DNAAF9: variants seen among roughly 807,000 people sequenced by gnomAD.
The protein encoded by DNAAF9 is dynein axonemal assembly factor 9, also known as shulin.
DNAAF9 carries 90 observed loss-of-function variants against 167.0 expected under a neutral mutation model. The ratio of observed to expected loss-of-function variants is 0.54; its 90% CI spans 0.45 to 0.64. The LOEUF (loss-of-function observed/expected upper bound fraction) is 0.64. Among genes scored for constraint, DNAAF9 ranks in the 30% least tolerant of loss-of-function variants. The probability of loss-of-function intolerance (pLI) is 0.00; values close to 1 mark genes in which losing one functional copy is unlikely to be tolerated. For synonymous variants in DNAAF9, 491 were observed against 508.8 expected, an observed-to-expected ratio of 0.96 and a Z score of 0.47; for missense variants, 1,315 against 1,442.2, an observed-to-expected ratio of 0.91 and a Z score of 1.43.
Position 3,322,270 on chromosome 20 carries a change from G to C in DNAAF9, c.1311-8C>G, listed in dbSNP as rs1416604896. On this transcript the variant is annotated splice_polypyrimidine_tract_variant and splice_region_variant and intron_variant, in intron 15 of 36. Transcript: ENST00000252032. The stretch of plus-strand genomic sequence containing the variant: ...CTGTCCAGCGGTACAATTCTAGGAG[G>C]GGAAAGAGATGGAAGACTATGTTAA... The C allele has an allele frequency of 6.2e-7, 1 of 1,601,164 alleles. No individual in the cohort carries two copies. The highest frequency in any genetic ancestry group is 1.1e-5 in the South Asian group (1 of 90,254).
chr20:3,362,027 C>G, intron 6 of DNAAF9: 2 of 1,488,494 alleles, frequency 1.3e-6, no homozygotes, highest in Non-Finnish European at 1.9e-6. Context: ...TTGGGTCCAC[C>G]ACTCCATTAG....
At chr20:3,262,751 CT>C (rs1388627406) in intron 31 of DNAAF9, among the ~76,000 whole-genome samples, 1 of 152,120 alleles carries the variant, frequency 6.6e-6, no homozygotes, top group Admixed American at 6.6e-5. Flanking sequence ...GCTGTAGCCA[CT>C]GGAAAGAAGG....
At chr20:3,276,805 G>A (rs1212225027) in intron 29 of DNAAF9, among the ~76,000 whole-genome samples, 2 of 152,190 alleles carry the variant, frequency 1.3e-5, no homozygotes, top group South Asian at 2.1e-4. Flanking sequence ...CAGGCCTGAG[G>A]CTGGACAGGT....
intron 1 of DNAAF9, among the ~76,000 whole-genome samples, chr20:3,401,484 G>A (rs1336046381): frequency 6.6e-6 from 1 of 152,170 alleles, no homozygotes; most frequent in Non-Finnish European, 1.5e-5. Flanking sequence ...ACAGGCATAA[G>A]CCACAGCACC....
chr20:3,324,498 A>C (rs1660220441), intron 14 of DNAAF9, among the ~76,000 whole-genome samples: 1 of 152,050 alleles, frequency 6.6e-6, no homozygotes, highest in African/African-American at 2.4e-5. Context: ...CTGTCATTCA[A>C]GAGACAGATG....
chr20:3,262,449 C>T (rs2068408927), intron 31 of DNAAF9, among the ~76,000 whole-genome samples: 1 of 152,066 alleles, frequency 6.6e-6, no homozygotes, highest in Non-Finnish European at 1.5e-5. Context: ...CGGGGTTTCA[C>T]CATGTTGGCC....
intron 6 of DNAAF9, among the ~76,000 whole-genome samples, chr20:3,370,698 G>A (rs1600874531): frequency 6.6e-6 from 1 of 152,090 alleles, no homozygotes; most frequent in Non-Finnish European, 1.5e-5. Context: ...TTGAGCCACC[G>A]CGCCCAGCCG....
At position 3,316,790 on chromosome 20, in the gene DNAAF9, C is replaced by A; in HGVS notation, c.1472G>T (p.Gly491Val). 6.2e-7 allele frequency: 1 copy of A among 1,612,352 alleles called. No individual in the cohort carries two copies. Among genetic ancestry groups the A allele is most frequent in the Non-Finnish European group, 8.5e-7 (1 of 1,178,604 alleles). Residue 491 changes from glycine (G) to valine (V), a missense_variant, in exon 18 of 37, where the codon GGC becomes GTC. Coordinates refer to ENST00000252032, the MANE Select transcript of DNAAF9 (RefSeq NM_001009984.3). The stretch of plus-strand genomic sequence containing the variant: ...GGAGCTGGTTTCTGTGGTAACAGTG[C>A]CATCTGCAGGAACACCACACACATG... ...TSQILVKEKD[G>V]TVTTETSSVV...
intron 10 of DNAAF9, among the ~76,000 whole-genome samples, chr20:3,332,694 C>A (rs1286056398): frequency 6.6e-6 from 1 of 151,790 alleles, no homozygotes; most frequent in African/African-American, 2.4e-5. Context: ...AAACTCCCGA[C>A]CTCAGGTTAT....
intron 29 of DNAAF9, among the ~76,000 whole-genome samples, chr20:3,275,317 G>T (rs2068658857): frequency 6.6e-6 from 1 of 152,186 alleles, no homozygotes. Context: ...AATACCCTAG[G>T]ACTCTGTTTG....
chr20:3,272,787 C>T (rs934701253), intron 29 of DNAAF9, among the ~76,000 whole-genome samples: 6 of 152,070 alleles, frequency 3.9e-5, no homozygotes, highest in African/African-American at 1.2e-4. Flanking sequence ...TCATCATCAA[C>T]CCATTTACTA....
intron 10 of DNAAF9, among the ~76,000 whole-genome samples, chr20:3,334,429 CTCTTTTCTTTTTAT>C: frequency 6.6e-6 from 1 of 152,200 alleles, no homozygotes; most frequent in African/African-American, 2.4e-5. Flanking sequence ...GGCTTGACAG[CTCTTTTCTTTTTAT>C]CCCTAAATAG....
chr20:3,336,252 G>GTTTTTTTTTTTTTTTTTTTTTTTTTCA (rs1178750984), intron 10 of DNAAF9, among the ~76,000 whole-genome samples: 1 of 81,444 alleles, frequency 1.2e-5, no homozygotes, highest in Non-Finnish European at 2.5e-5. Flanking sequence ...ACAGTTTTGC[G>GTTTTTTTTTTTTTTTTTTTTTTTTTCA]TTTTTGTTTT....
At chr20:3,253,955 C>T (rs1371540502) in intron 35 of DNAAF9, 136 bp from the exon 36 acceptor site, 13 of 611,540 alleles carry the variant, frequency 2.1e-5, no homozygotes, top group Non-Finnish European at 3.2e-5. Flanking sequence ...CTAACACCCC[C>T]GGCAAACCTC....
intron 5 of DNAAF9, 142 bp downstream of exon 5, chr20:3,374,888 T>C (rs987942694): frequency 1.6e-6 from 1 of 631,018 alleles, no homozygotes; most frequent in Non-Finnish European, 2.8e-6. Flanking sequence ...AAAGTCCCCA[T>C]ACTTAATTCT....
rs6051823 is a variant in DNAAF9 at position 3,386,111 on chromosome 20, A to G, written c.84-3605T>C. ...AGGCCAGCCTGGGCAATATAGTGAGACCTCATCTCTTAAAAATAAAATAAA... is the reference window on the plus strand; with the variant it reads ...AGGCCAGCCTGGGCAATATAGTGAGGCCTCATCTCTTAAAAATAAAATAAA... On this transcript the variant is annotated intron_variant, in intron 1 of 36. Coordinates refer to ENST00000252032, the MANE Select transcript of DNAAF9 (RefSeq NM_001009984.3). 6.6e-3 allele frequency among the ~76,000 whole-genome samples: 1,001 copies of G among 152,270 alleles called. 9 individuals are homozygous for G. The highest frequency in any genetic ancestry group is 0.023 in the African/African-American group (958 of 41,546).
At chr20:3,317,360 CAAAA>C (rs756394932) in intron 17 of DNAAF9, among the ~76,000 whole-genome samples, 9 of 99,526 alleles carry the variant, frequency 9.0e-5, no homozygotes, top group Admixed American at 2.2e-4. Context: ...GACCTTGTCT[CAAAA>C]AAAAAAAAAA....
At chr20:3,344,746 T>C (rs1462789156) in intron 8 of DNAAF9, among the ~76,000 whole-genome samples, 3 of 152,120 alleles carry the variant, frequency 2.0e-5, no homozygotes, top group Non-Finnish European at 2.9e-5. Context: ...TGTTGCCAAA[T>C]TGTTTTTTAA....
chr20:3,400,860 A>G (rs1411979525), intron 1 of DNAAF9, among the ~76,000 whole-genome samples: 2 of 152,212 alleles, frequency 1.3e-5, no homozygotes, highest in Admixed American at 6.5e-5. Context: ...GAAGTTATAT[A>G]TAGGCCTCTA....
Sources: gnomAD v4.1 joint callset for allele counts (sites outside exome capture counted in the v4.1 genomes callset) on GRCh38, gnomAD v4.1.1 for gene constraint, MANE v1.5 for transcripts, NCBI Gene and HGNC (gene_info 2026-07-23, HGNC 2026-07-21) for gene names.